TAPBPL: variants seen among roughly 807,000 people sequenced by gnomAD.
TAPBPL encodes tapasin-related protein.
TAPBPL carries 32 observed loss-of-function variants against 44.8 expected under a neutral mutation model. The ratio of observed to expected loss-of-function variants is 0.71; its 90% CI spans 0.54 to 0.96. The LOEUF (loss-of-function observed/expected upper bound fraction) is 0.96, where lower values mean the gene tolerates loss of function less well. Ranked by LOEUF, TAPBPL falls within the 40% of genes least tolerant of loss-of-function variation. TAPBPL has a pLI of 0.00. For missense variants in TAPBPL, 520 were observed against 586.6 expected (o/e 0.89, Z 1.17); for synonymous variants, 230 against 240.7 (o/e 0.96, Z 0.41).
chr12:6,454,076 G>T (rs1235260467), intron 3 of TAPBPL, among the ~76,000 whole-genome samples: 1 of 151,982 alleles, frequency 6.6e-6, no homozygotes, highest in African/African-American at 2.4e-5. Flanking sequence ...TTCTAAAGTG[G>T]TAAGATATGG....
chr12:6,457,832 A>T (rs1481986658), intron 4 of TAPBPL, 88 bp downstream of exon 4: 2 of 1,361,834 alleles, frequency 1.5e-6, no homozygotes, highest in Non-Finnish European at 2.0e-6. Flanking sequence ...TGCAAGAATG[A>T]TTTCCTGAGA....
chr12:6,453,655 G>T lies in TAPBPL; in HGVS notation c.504G>T (p.Glu168Asp). 1 of 1,613,800 alleles carries T rather than the reference G, an allele frequency of 6.2e-7. No homozygotes were observed. Among genetic ancestry groups the T allele is most frequent in the South Asian group, 1.1e-5 (1 of 91,062 alleles). The change falls in exon 3 of 7, where the codon GAG (glutamate) becomes GAT (aspartate). Residue 168 changes from glutamate (E) to aspartate (D), a missense_variant. Coordinates refer to ENST00000266556, the MANE Select transcript of TAPBPL (RefSeq NM_018009.5). This position sits in a 1 kb window ranked among gnomAD's most constrained non-coding sequence, Gnocchi z 4.8. ...VMKTPRVTKN[E>D]ALWHPTLNLP... ...AGACTCCCAGGGTCACCAAGAATGA[G>T]GCGCTCTGGCACCCGACGCTGAACT...
chr12:6,452,583 G>C (rs1035128931), intron 1 of TAPBPL: 5 of 1,355,154 alleles, frequency 3.7e-6, no homozygotes, highest in African/African-American at 2.9e-5. Context: ...GCACTGGCCT[G>C]GGAGCTGACA....
At chr12:6,461,837 G>A (rs978996531) in intron 6 of TAPBPL, among the ~76,000 whole-genome samples, 197 bp from the exon 7 acceptor site, 3 of 152,200 alleles carry the variant, frequency 2.0e-5, no homozygotes, top group Admixed American at 1.3e-4. Flanking sequence ...AAAACTGTAC[G>A]TGAGGATGAT....
At chr12:6,470,563 TCTCCGGAGG>T (rs769180311), downstream of TAPBPL, 13 of 1,613,816 alleles carry the variant, frequency 8.1e-6, no homozygotes, top group African/African-American at 1.7e-4. Flanking sequence ...GGTCTGTTCC[TCTCCGGAGG>T]CTGCGGCGAG....
chr12:6,469,194 A>G (rs1034555939), downstream of TAPBPL, among the ~76,000 whole-genome samples: 2 of 152,196 alleles, frequency 1.3e-5, no homozygotes, highest in African/African-American at 4.8e-5. Flanking sequence ...CATGGGAGCC[A>G]CAAGACTCTT....
Position 6,457,434 on chromosome 12 carries a change from A to G in TAPBPL, c.594A>G (p.Gln198=), listed in dbSNP as rs1428040200. The change falls in exon 4 of 7, where the codon CAA becomes CAG. Residue 198 remains glutamine, a synonymous_variant. Transcript: ENST00000266556. ...AVEFQVMTQT[Q]SLSFLLGSSA... Reference sequence around the variant, plus strand: ...AGTTCCAGGTGATGACACAGACCCAATCCCTGAGCTTCCTGCTGGGGTCCT... The same window carrying G: ...AGTTCCAGGTGATGACACAGACCCAGTCCCTGAGCTTCCTGCTGGGGTCCT... 6.2e-7 allele frequency: 1 copy of G among 1,614,118 alleles called. No individual in the cohort carries two copies. Among genetic ancestry groups the G allele is most frequent in the Admixed American group, 1.7e-5 (1 of 60,028 alleles).
At chr12:6,470,298 T>C (rs755431751), downstream of TAPBPL, among the ~76,000 whole-genome samples, 75 of 151,490 alleles carry the variant, frequency 5.0e-4, no homozygotes, top group Non-Finnish European at 7.8e-4. Flanking sequence ...GGTGCAATGA[T>C]TGTGGGACCC....
downstream of TAPBPL, chr12:6,462,319 A>T (rs1949892734): frequency 1.7e-6 from 1 of 593,482 alleles, no homozygotes. Context: ...TGGTGGAAGT[A>T]CAACTGTTGT....
At chr12:6,463,242 CAG>C, downstream of TAPBPL, 2 of 1,387,420 alleles carry the variant, frequency 1.4e-6, no homozygotes. This position sits in a 1 kb window ranked among gnomAD's most constrained non-coding sequence, Gnocchi z 4.0. Flanking sequence ...ACAGGAAGAA[CAG>C]AGAGGCGGCT....
At chr12:6,463,053 C>T (rs1949922130), downstream of TAPBPL, 7 of 1,541,482 alleles carry the variant, frequency 4.5e-6, no homozygotes, top group Non-Finnish European at 6.1e-6. The surrounding 1 kb of genome is among the most constrained non-coding windows in gnomAD (Gnocchi z 4.0). Flanking sequence ...CCCCTTGCAC[C>T]TGGGCTTATC....
chr12:6,452,690 G>A (rs918652608), intron 1 of TAPBPL: 16 of 1,035,108 alleles, frequency 1.5e-5, no homozygotes, highest in Non-Finnish European at 1.9e-5. Flanking sequence ...GGAGAAAGCA[G>A]TGCAGGCTGT....
At chr12:6,462,791 G>A (rs1431222822), downstream of TAPBPL, 2 of 1,581,430 alleles carry the variant, frequency 1.3e-6, no homozygotes, top group African/African-American at 2.7e-5. Context: ...GACCTTCGAG[G>A]GGGGCCGTTG....
intron 3 of TAPBPL, among the ~76,000 whole-genome samples, chr12:6,454,556 G>T (rs1949656934): frequency 1.3e-5 from 2 of 152,184 alleles, no homozygotes; most frequent in South Asian, 4.1e-4. Context: ...CAGACAACCT[G>T]TGTTATTTCC....
intron 3 of TAPBPL, among the ~76,000 whole-genome samples, chr12:6,456,231 T>C (rs182171861): frequency 6.6e-4 from 100 of 152,314 alleles, no homozygotes; most frequent in African/African-American, 2.3e-3. Context: ...TTCATAGAAT[T>C]GACATTTTTG....
At chr12:6,464,399 G>T (rs755550229), downstream of TAPBPL, 2 of 1,555,866 alleles carry the variant, frequency 1.3e-6, no homozygotes, top group Admixed American at 1.9e-5. Context: ...GAAGTGTGTT[G>T]AGAGAGCAAA....
chr12:6,463,755 G>A (rs1281198425), downstream of TAPBPL: 2 of 1,161,924 alleles, frequency 1.7e-6, no homozygotes, highest in Admixed American at 4.2e-5. The surrounding 1 kb of genome is among the most constrained non-coding windows in gnomAD (Gnocchi z 4.0). Context: ...CTTCCAGCTA[G>A]AAGCACATGG....
downstream of TAPBPL, among the ~76,000 whole-genome samples, chr12:6,471,396 C>T (rs1011067386): frequency 6.6e-6 from 1 of 152,178 alleles, no homozygotes; most frequent in Non-Finnish European, 1.5e-5. This position sits in a 1 kb window ranked among gnomAD's most constrained non-coding sequence, Gnocchi z 4.0. Flanking sequence ...ACCTTTACCT[C>T]TCCCCCAGTA....
downstream of TAPBPL, chr12:6,470,642 C>A: frequency 2.1e-6 from 3 of 1,457,468 alleles, no homozygotes; most frequent in South Asian, 1.2e-5. Context: ...CGCCTCGCGC[C>A]GACTACCCCG....
Sources: allele counts gnomAD v4.1 joint callset (sites outside exome capture counted in the v4.1 genomes callset), GRCh38; gene constraint gnomAD v4.1.1; non-coding constraint Gnocchi (gnomAD v3.1); transcripts MANE v1.5; gene names NCBI Gene and HGNC (gene_info 2026-07-23, HGNC 2026-07-21).